The following IRGM variants were observed in gnomAD, a reference collection of about 807,000 sequenced individuals.
IRGM encodes immunity-related GTPase family M protein.
For missense variants in IRGM, 288 were observed against 219.9 expected (o/e 1.31, Z -1.96); for synonymous variants, 98 against 80.6 (o/e 1.22, Z -1.16).
intron 1 of IRGM, among the ~76,000 whole-genome samples, chr5:150,861,089 A>G (rs186661190): frequency 1.3e-5 from 2 of 152,136 alleles, no homozygotes; most frequent in African/African-American, 2.4e-5. Context: ...GTAGTTCTCT[A>G]TGTGGTGGGA....
downstream of IRGM, among the ~76,000 whole-genome samples, chr5:150,848,929 G>C (rs1291090059): frequency 6.6e-6 from 1 of 152,020 alleles, no homozygotes; most frequent in Non-Finnish European, 1.5e-5. Context: ...TCTTAAAATG[G>C]ATGCAAGATT....
At chr5:150,892,121 C>G (rs1754618785) in intron 3 of IRGM, among the ~76,000 whole-genome samples, 1 of 151,898 alleles carries the variant, frequency 6.6e-6, no homozygotes, top group Non-Finnish European at 1.5e-5. Flanking sequence ...ATCTCACTGT[C>G]AGGATGTATA....
chr5:150,891,882 C>T (rs1754614818), intron 3 of IRGM, among the ~76,000 whole-genome samples: 2 of 151,972 alleles, frequency 1.3e-5, no homozygotes, highest in Non-Finnish European at 2.9e-5. Context: ...AAATCCAGGG[C>T]CAGGATCTTT....
chr5:150,851,905 T>C (rs1183570600), downstream of IRGM, among the ~76,000 whole-genome samples: 1 of 152,236 alleles, frequency 6.6e-6, no homozygotes, highest in Non-Finnish European at 1.5e-5. Context: ...GTGCAACTAA[T>C]GGAATGTAAA....
At chr5:150,871,930 T>C (rs1158544958) in intron 1 of IRGM, among the ~76,000 whole-genome samples, 2 of 152,202 alleles carry the variant, frequency 1.3e-5, no homozygotes, top group East Asian at 1.9e-4. Flanking sequence ...CTAAATACGA[T>C]TGGTTTTCTC....
chr5:150,902,231 C>T (rs980101871), downstream of IRGM, among the ~76,000 whole-genome samples: 3 of 152,058 alleles, frequency 2.0e-5, no homozygotes, highest in Non-Finnish European at 2.9e-5. Flanking sequence ...AAGGAACAGC[C>T]TTGAACTTGA....
intron 1 of IRGM, among the ~76,000 whole-genome samples, chr5:150,860,141 A>G (rs190819308): frequency 3.9e-5 from 6 of 152,254 alleles, no homozygotes; most frequent in African/African-American, 1.2e-4. Context: ...CAATGTCACA[A>G]TTTAAACGTA....
At chr5:150,856,658 C>G (rs1186787416) in intron 1 of IRGM, among the ~76,000 whole-genome samples, 3 of 150,646 alleles carry the variant, frequency 2.0e-5, no homozygotes, top group African/African-American at 7.3e-5. Flanking sequence ...TTTTCAGAGA[C>G]AGGGTATTGC....
chr5:150,878,733 A>T (rs181790717), intron 2 of IRGM, among the ~76,000 whole-genome samples: 2 of 151,744 alleles, frequency 1.3e-5, no homozygotes, highest in Non-Finnish European at 2.9e-5. Context: ...AATTATTATT[A>T]TTGTGTAATT....
intron 1 of IRGM, among the ~76,000 whole-genome samples, chr5:150,871,977 T>G (rs1387622250): frequency 2.6e-5 from 4 of 152,228 alleles, no homozygotes; most frequent in Non-Finnish European, 4.4e-5. Flanking sequence ...ATTTTATGTT[T>G]GATTTGACAT....
rs144921339 is a variant in IRGM at position 150,861,389 on chromosome 5, C to T, written c.158+12735C>T. 1.9e-3 allele frequency among the ~76,000 whole-genome samples: 283 copies of T among 152,206 alleles called. 2 individuals carry two copies. Among genetic ancestry groups the T allele is most frequent in the East Asian group, 0.018 (91 of 5,182 alleles). On this transcript the variant is annotated intron_variant and NMD_transcript_variant, in intron 1 of 3. Transcript: ENST00000520549. Reference sequence around the variant, plus strand: ...TAGAAGCTATCAGGTCTTTTTAAGGCTTAGGACAGGAAGTAGCACAAAATT... The same window carrying T: ...TAGAAGCTATCAGGTCTTTTTAAGGTTTAGGACAGGAAGTAGCACAAAATT...
chr5:150,874,191 T>G (rs1271333292), intron 1 of IRGM, among the ~76,000 whole-genome samples: 2 of 152,150 alleles, frequency 1.3e-5, no homozygotes, highest in African/African-American at 4.8e-5. Context: ...ATCCTATCTT[T>G]GGGGTATATC....
chr5:150,878,012 C>T, exon 2 of IRGM: 1 of 457,994 alleles, frequency 2.2e-6, no homozygotes, highest in Non-Finnish European at 4.4e-6. Flanking sequence ...ACCCAAACCA[C>T]AGCCACGTAC....
chr5:150,849,074 AG>A (rs1304078588), downstream of IRGM, among the ~76,000 whole-genome samples: 2 of 151,998 alleles, frequency 1.3e-5, no homozygotes, highest in Non-Finnish European at 2.9e-5. Context: ...AATGGTCGGG[AG>A]GAGCCCTCTC....
chr5:150,899,553 ATAGT>A (rs1754921265), intron 3 of IRGM, among the ~76,000 whole-genome samples: 1 of 152,102 alleles, frequency 6.6e-6, no homozygotes, highest in Non-Finnish European at 1.5e-5. Flanking sequence ...TATACATACA[ATAGT>A]TAGTAATAGA....
chr5:150,895,546 C>G, intron 3 of IRGM: 5 of 1,613,452 alleles, frequency 3.1e-6, no homozygotes, highest in Non-Finnish European at 4.2e-6. Context: ...TGATGTAAAA[C>G]AAGGTCTGAC....
intron 3 of IRGM, among the ~76,000 whole-genome samples, chr5:150,893,465 G>A (rs898568298): frequency 6.6e-6 from 1 of 152,094 alleles, no homozygotes; most frequent in Non-Finnish European, 1.5e-5. Context: ...AGGTTGTTGA[G>A]GTGTTGATAT....
At chr5:150,877,145 A>G (rs1282627297) in intron 1 of IRGM, among the ~76,000 whole-genome samples, 2 of 152,120 alleles carry the variant, frequency 1.3e-5, no homozygotes, top group Non-Finnish European at 2.9e-5. Context: ...TATGGGTTCA[A>G]GTTGACAAGG....
At chr5:150,878,946 T>C (rs1754405852) in intron 2 of IRGM, among the ~76,000 whole-genome samples, 1 of 152,106 alleles carries the variant, frequency 6.6e-6, no homozygotes, top group Admixed American at 6.5e-5. Context: ...ATTGATTTAA[T>C]GAAGCAAATG....
Sources: allele counts gnomAD v4.1 joint callset (sites outside exome capture counted in the v4.1 genomes callset), GRCh38; gene constraint gnomAD v4.1.1; transcripts MANE v1.5; gene names NCBI Gene and HGNC (gene_info 2026-07-23, HGNC 2026-07-21).